Variants in CWH43 observed in about 807,000 individuals in gnomAD.
The protein encoded by CWH43 is cell wall biogenesis 43 C-terminal homolog.
CWH43 carries 91 observed loss-of-function variants against 85.7 expected under a neutral mutation model. That is an observed-to-expected ratio of 1.06 (90% confidence interval 0.90 to 1.26). The LOEUF is 1.26. Among genes scored for constraint, CWH43 ranks in the 50% most tolerant of loss-of-function variants. The probability of loss-of-function intolerance (pLI) is 0.00; values close to 1 mark genes in which losing one functional copy is unlikely to be tolerated. For missense variants in CWH43, 869 were observed against 839.2 expected, an observed-to-expected ratio of 1.04 and a Z score of -0.44; for synonymous variants, 323 against 293.6, an observed-to-expected ratio of 1.10 and a Z score of -1.02.
intron 7 of CWH43, 47 bp from the exon 8 acceptor site, chr4:49,007,154 G>A: frequency 6.4e-7 from 1 of 1,554,188 alleles, no homozygotes; most frequent in Non-Finnish European, 8.7e-7. Context: ...ACATTGGAAG[G>A]ATTTTTGGAT....
At chr4:49,010,830 G>A (rs1232947966) in intron 8 of CWH43, among the ~76,000 whole-genome samples, 1 of 152,184 alleles carries the variant, frequency 6.6e-6, no homozygotes, top group Non-Finnish European at 1.5e-5. Flanking sequence ...ATTGCACTGT[G>A]ATCTAAGAGA....
chr4:48,989,647 C>T (rs1349540828), intron 2 of CWH43, among the ~76,000 whole-genome samples: 6 of 152,134 alleles, frequency 3.9e-5, no homozygotes, highest in Admixed American at 2.0e-4. Context: ...AGGCTGGTCT[C>T]GAATTCCTGA....
chr4:49,032,515 G>C, intron 11 of CWH43, 51 bp from the exon 12 acceptor site: 1 of 1,602,022 alleles, frequency 6.2e-7, no homozygotes, highest in Non-Finnish European at 8.5e-7. Context: ...CCCAGTGCAT[G>C]GTAGAATGGG....
At chr4:49,005,643 T>C (rs1783133754) in intron 7 of CWH43, among the ~76,000 whole-genome samples, 1 of 150,928 alleles carries the variant, frequency 6.6e-6, no homozygotes, top group Non-Finnish European at 1.5e-5. Context: ...CCCTGTATCC[T>C]TGAGCTCCCC....
rs758816726 is a variant in CWH43 at position 49,017,287 on chromosome 4, G to A, written c.1225G>A (p.Gly409Arg). ...TGTTGGTGTGGGATTGTTGGGATTA[G>A]GACTACGGCATAAAGCCTATGAGAG... ...LLVGVGLLGL[G>R]LRHKAYERKL... Residue 409 changes from glycine to arginine, a missense_variant, in exon 9 of 16, where the codon GGA becomes AGA. Physicochemically the swap from Gly to Arg is moderately radical, Grantham distance 125. Coordinates refer to ENST00000226432, the MANE Select transcript of CWH43 (RefSeq NM_025087.3). 1 of 1,612,524 alleles carries A rather than the reference G, an allele frequency of 6.2e-7. No individual in the cohort carries two copies. Among genetic ancestry groups the A allele is most frequent in the Non-Finnish European group, 8.5e-7 (1 of 1,179,090 alleles).
chr4:49,003,983 G>A lies in CWH43; in HGVS notation c.1051G>A (p.Val351Met). The A allele has an allele frequency of 1.2e-6, 2 of 1,609,090 alleles. No homozygotes were observed. The highest frequency in any genetic ancestry group is 2.2e-5 in the East Asian group (1 of 44,852). Reference protein sequence around the residue: ...GGVYARERSDVLLGTMMLIIG... With the variant: ...GGVYARERSDMLLGTMMLIIG... ...TGTCTACGCTAGAGAAAGATCAGAT[G>A]TGCTTTTGGGTGAGTACATTTGAAA... Residue 351 changes from valine to methionine, a missense_variant, in exon 7 of 16, where the codon GTG (valine) becomes ATG (methionine). Val to Met is a conservative substitution (Grantham distance 21). Coordinates refer to ENST00000226432, the MANE Select transcript of CWH43 (RefSeq NM_025087.3).
At chr4:48,987,104 C>T (rs1177925027) in intron 1 of CWH43, among the ~76,000 whole-genome samples, 4 of 152,032 alleles carry the variant, frequency 2.6e-5, no homozygotes, top group Non-Finnish European at 5.9e-5. Flanking sequence ...CCCAGACAAA[C>T]ATTTGGGATA....
rs1050094282 is a variant in CWH43, at chr4:49,000,056, TA to T, written c.802+1518del. ...TATAGTCAGGTTTTCTGACTCTAAG[TA>T]AAAAAAAAACCACTTTATTATATAG... is the stretch of plus-strand genomic sequence containing the variant. On this transcript the variant is annotated intron_variant, in intron 6 of 15. Transcript: ENST00000226432. 5.5e-4 allele frequency among the ~76,000 whole-genome samples: 81 copies of T among 148,552 alleles called. 1 individual carries two copies. The highest frequency in any genetic ancestry group is 1.4e-3 in the African/African-American group (58 of 40,428).
At chr4:48,995,434 T>G (rs1782782443) in intron 5 of CWH43, among the ~76,000 whole-genome samples, 2 of 152,244 alleles carry the variant, frequency 1.3e-5, no homozygotes, top group African/African-American at 4.8e-5. Context: ...CTCTTGTAAC[T>G]GGCTCCATCT....
chr4:49,047,062 C>T (rs1332518534), intron 14 of CWH43, among the ~76,000 whole-genome samples: 1 of 152,158 alleles, frequency 6.6e-6, no homozygotes, highest in Non-Finnish European at 1.5e-5. Context: ...TTGGCATTGC[C>T]TGCCTGAAGA....
Position 49,061,948 on chromosome 4 carries a change from T to G in CWH43, c.*58T>G. 8.2e-7 allele frequency: 1 copy of G among 1,214,368 alleles called. No individual in the cohort carries two copies. The highest frequency in any genetic ancestry group is 1.5e-5 in the African/African-American group (1 of 64,910). The allele number at this position is 1,214,368 out of a possible 1,614,324, so 75.2% of individuals were successfully genotyped here. A position where few individuals can be genotyped will look rare whatever the true frequency, so the allele number is the denominator to read the frequency against. On this transcript the variant is annotated 3_prime_UTR_variant, in exon 16 of 16. Coordinates refer to ENST00000226432, the MANE Select transcript of CWH43 (RefSeq NM_025087.3). ...AATCTAAGAAAAAAAGTATGTAAGA[T>G]AAAAAGAAGAGATTAATGAAAGTGG... is the stretch of plus-strand genomic sequence containing the variant.
intron 15 of CWH43, among the ~76,000 whole-genome samples, chr4:49,056,505 C>A (rs1784968244): frequency 6.6e-6 from 1 of 152,080 alleles, no homozygotes; most frequent in Non-Finnish European, 1.5e-5. Flanking sequence ...TCTGTGGTAT[C>A]AGTTGTAACA....
chr4:49,034,273 T>C (rs2768973), intron 12 of CWH43, among the ~76,000 whole-genome samples: 89,109 of 152,040 alleles, frequency 0.59, 29,327 homozygotes, highest in Middle Eastern at 0.75. Flanking sequence ...GTACTTAACA[T>C]TGGGTTTATC....
At position 49,007,201 on chromosome 4, in the gene CWH43, G is replaced by C; in HGVS notation, c.1061G>C (p.Gly354Ala). The C allele has an allele frequency of 1.2e-6, 2 of 1,605,608 alleles. No individual in the cohort carries two copies. Among genetic ancestry groups the C allele is most frequent in the Non-Finnish European group, 1.7e-6 (2 of 1,177,126 alleles). The change falls in exon 8 of 16, where the codon GGG (glycine) becomes GCG (alanine). Residue 354 changes from glycine (G) to alanine (A), a missense_variant and splice_region_variant. By Grantham distance (60) the Gly-to-Ala change is moderately conservative. This residue lies in a region of CWH43 where 577 missense variants were observed against 513.1 expected (regional missense o/e 1.12). Coordinates refer to ENST00000226432, the MANE Select transcript of CWH43 (RefSeq NM_025087.3). Reference sequence around the variant, plus strand: ...ATATTCTTTCTTTCTCTTATAACAGGGACAATGATGTTAATTATCGGGCTG... The same window carrying C: ...ATATTCTTTCTTTCTCTTATAACAGCGACAATGATGTTAATTATCGGGCTG... Reference protein sequence around the residue: ...YARERSDVLLGTMMLIIGLNM... With the variant: ...YARERSDVLLATMMLIIGLNM...
chr4:49,016,789 C>G (rs1243529322), intron 8 of CWH43: 5 of 775,910 alleles, frequency 6.4e-6, no homozygotes, highest in Non-Finnish European at 1.2e-5. Context: ...CAGGTGATTA[C>G]TCCAAGTCCC....
At chr4:49,060,830 C>G (rs1181854292) in intron 15 of CWH43, among the ~76,000 whole-genome samples, 2 of 152,098 alleles carry the variant, frequency 1.3e-5, no homozygotes, top group African/African-American at 4.8e-5. Context: ...TGACACAACT[C>G]TTATATATAT....
At chr4:49,004,688 ACT>A (rs1783099746) in intron 7 of CWH43, among the ~76,000 whole-genome samples, 1 of 152,104 alleles carries the variant, frequency 6.6e-6, no homozygotes, top group Non-Finnish European at 1.5e-5. Context: ...CCACACCTAG[ACT>A]CTATTATTTT....
chr4:49,035,105 GAAT>G (rs1784226307), intron 12 of CWH43, among the ~76,000 whole-genome samples: 1 of 152,200 alleles, frequency 6.6e-6, no homozygotes, highest in South Asian at 2.1e-4. Context: ...TTAACACCTT[GAAT>G]AATTTGTGAC....
At chr4:48,994,914 G>A (rs1308050974) in intron 5 of CWH43, 94 bp downstream of exon 5, 5 of 971,198 alleles carry the variant, frequency 5.1e-6, no homozygotes, top group Non-Finnish European at 8.3e-6. Flanking sequence ...GTGCTAGCCA[G>A]ATATTTCATA....
Sources: allele counts gnomAD v4.1 joint callset (sites outside exome capture counted in the v4.1 genomes callset), GRCh38; gene constraint gnomAD v4.1.1; regional missense constraint gnomAD v4.1.1; transcripts MANE v1.5; gene names NCBI Gene and HGNC (gene_info 2026-07-23, HGNC 2026-07-21).